RUBCN: variants seen among roughly 807,000 people sequenced by gnomAD.
RUBCN encodes rubicon autophagy regulator, also known as run domain Beclin-1-interacting and cysteine-rich domain-containing protein.
In RUBCN, 74 loss-of-function variants were observed where a neutral mutation model predicts 113.2. The ratio of observed to expected loss-of-function variants is 0.65; its 90% CI spans 0.54 to 0.79. RUBCN has a LOEUF of 0.79. Among genes scored for constraint, RUBCN ranks in the 30% least tolerant of loss-of-function variants. RUBCN has a pLI of 0.00. For synonymous variants in RUBCN, 480 were observed against 490.0 expected (o/e 0.98, Z 0.27); for missense variants, 1,109 against 1,251.7 (o/e 0.89, Z 1.72).
exon 1 of RUBCN, chr3:197,749,429 G>C: frequency 8.1e-7 from 1 of 1,227,796 alleles, no homozygotes; most frequent in Non-Finnish European, 1.0e-6. Flanking sequence ...TTTGCGTTCA[G>C]ATGCGGCAGC....
At position 197,671,110 on chromosome 3, in the gene RUBCN, GTTCAAGTGATTCTCAT is replaced by G. The variant is rs1719748078; in HGVS notation, c.*3892_*3907del. Reference sequence around the variant, plus strand: ...GCTCACTGCAGCCCTCGCCTTCCAGGTTCAAGTGATTCTCATGATTCAGCCTCCCGAGTAGCTGGGA... The same window carrying G: ...GCTCACTGCAGCCCTCGCCTTCCAGGGATTCAGCCTCCCGAGTAGCTGGGA... On this transcript the variant is annotated 3_prime_UTR_variant, in exon 20 of 20. Coordinates refer to ENST00000296343, the MANE Select transcript of RUBCN (RefSeq NM_014687.4). Among the ~76,000 whole-genome samples, 1 of 152,170 alleles carries G rather than the reference GTTCAAGTGATTCTCAT, an allele frequency of 6.6e-6. No individual in the cohort carries two copies. Among genetic ancestry groups the G allele is most frequent in the East Asian group, 1.9e-4 (1 of 5,204 alleles).
At chr3:197,692,861 A>T (rs114648012) in intron 11 of RUBCN, among the ~76,000 whole-genome samples, 1,786 of 152,340 alleles carry the variant, frequency 0.012, 25 homozygotes, top group African/African-American at 0.039. Context: ...TGTAAACAGG[A>T]AATCAAAGCC....
intron 7 of RUBCN, chr3:197,699,368 CG>C: frequency 1.6e-6 from 1 of 626,966 alleles, no homozygotes; most frequent in South Asian, 2.0e-5. Context: ...TTGTGAAGGA[CG>C]GATGGCTTGT....
At chr3:197,704,321 CT>C (rs1024954982) in intron 4 of RUBCN, among the ~76,000 whole-genome samples, 40 of 152,278 alleles carry the variant, frequency 2.6e-4, no homozygotes, top group African/African-American at 9.4e-4. Flanking sequence ...GTAATCCCAG[CT>C]ACTCAGGAGG....
At position 197,675,051 on chromosome 3, in the gene RUBCN, C is replaced by G. The variant is rs1333152083; in HGVS notation, c.2886G>C (p.Leu962=). 1 of 1,613,070 alleles carries G rather than the reference C, an allele frequency of 6.2e-7. No individual in the cohort carries two copies. The highest frequency in any genetic ancestry group is 1.7e-5 in the Admixed American group (1 of 60,032). ...CCTCCAGGACGGCGGCTTCCAGGGCCAGCGCTTCCGCGGGCTCCTCCTCGT... is the reference window on the plus strand; with the variant it reads ...CCTCCAGGACGGCGGCTTCCAGGGCGAGCGCTTCCGCGGGCTCCTCCTCGT... ...SDYEEEPAEA[L]ALEAAVLEAT Residue 962 remains leucine, a synonymous_variant, in exon 20 of 20, where the codon CTG becomes CTC. Coordinates refer to ENST00000296343, the MANE Select transcript of RUBCN (RefSeq NM_014687.4). This position sits in a 1 kb window ranked among gnomAD's most constrained non-coding sequence, Gnocchi z 4.4.
chr3:197,689,084 GGC>G (rs1292362088), intron 11 of RUBCN, among the ~76,000 whole-genome samples: 1 of 150,262 alleles, frequency 6.7e-6, no homozygotes, highest in Admixed American at 6.6e-5. Flanking sequence ...GAAGTGCAGT[GGC>G]ATGATCATGG....
chr3:197,674,260 C>T lies in RUBCN; in HGVS notation c.*758G>A, dbSNP rs185085380. 5.6e-4 allele frequency: 87 copies of T among 156,104 alleles called. No homozygotes were observed. Among genetic ancestry groups the T allele is most frequent in the Non-Finnish European group, 9.9e-4 (68 of 68,854 alleles). The allele number at this position is 156,104 out of a possible 1,614,324, so 9.7% of individuals were successfully genotyped here. On this transcript the variant is annotated 3_prime_UTR_variant, in exon 20 of 20. Coordinates refer to ENST00000296343, the MANE Select transcript of RUBCN (RefSeq NM_014687.4). ...AGAGCTGGCGCCTCACGTATGCTTG[C>T]GGCGTAAGGCTACAGGTGAGCCTGG...
At chr3:197,707,196 G>C (rs1335848969) in intron 2 of RUBCN, among the ~76,000 whole-genome samples, 5 of 152,142 alleles carry the variant, frequency 3.3e-5, no homozygotes, top group African/African-American at 1.2e-4. Flanking sequence ...GCTGGGCGTG[G>C]TGGTGGGCGC....
Position 197,736,711 on chromosome 3 carries a change from C to G in RUBCN, c.9G>C (p.Pro3=). MR[P]EGAGMELGGG... ...CTCCGAGCTCCATTCCCGCGCCCTCCGGCCGCATCCGGGGCGGTGAGGCCG... is the reference window on the plus strand; with the variant it reads ...CTCCGAGCTCCATTCCCGCGCCCTCGGGCCGCATCCGGGGCGGTGAGGCCG... The change falls in exon 1 of 20, where the codon CCG becomes CCC. Residue 3 remains proline, a synonymous_variant. Transcript: ENST00000296343. 1 of 1,530,830 alleles carries G rather than the reference C, an allele frequency of 6.5e-7. No individual in the cohort carries two copies. Among genetic ancestry groups the G allele is most frequent in the Non-Finnish European group, 8.7e-7 (1 of 1,145,450 alleles). 94.8% of individuals were successfully genotyped at this position (1,530,830 alleles called of 1,614,324 possible). A position where few individuals can be genotyped will look rare whatever the true frequency, so the allele number is the denominator to read the frequency against.
chr3:197,680,066 C>G (rs1721023111), intron 16 of RUBCN, among the ~76,000 whole-genome samples: 1 of 150,098 alleles, frequency 6.7e-6, no homozygotes, highest in African/African-American at 2.5e-5. Flanking sequence ...TCAGACTGTC[C>G]TACGCTCTAA....
chr3:197,726,870 T>C (rs9835524), intron 1 of RUBCN, among the ~76,000 whole-genome samples: 1,525 of 151,270 alleles, frequency 0.01, 14 homozygotes, highest in East Asian at 0.053. Context: ...AGAAAGAAAA[T>C]AGACATCATA....
Position 197,725,861 on chromosome 3 carries a change from C to T in RUBCN, c.66-7731G>A, listed in dbSNP as rs1726686939. Among the ~76,000 whole-genome samples the T allele has an allele frequency of 2.6e-5, 4 of 152,132 alleles. No homozygotes were observed. In the South Asian group the frequency reaches 8.3e-4, roughly 32 times the overall value. ...CTTAGCATGGAGGTGAAAAATTCTC[C>T]ATCATTGGCCCCAATCTAAATACCA... On this transcript the variant is annotated intron_variant, in intron 1 of 19. Transcript: ENST00000296343.
Position 197,703,644 on chromosome 3 carries a change from G to C in RUBCN, c.474C>G (p.Phe158Leu). 1 of 1,613,076 alleles carries C rather than the reference G, an allele frequency of 6.2e-7. No homozygotes were observed. Among genetic ancestry groups the C allele is most frequent in the Non-Finnish European group, 8.5e-7 (1 of 1,179,250 alleles). Reference sequence around the variant, plus strand: ...CCGTGACATGAGCGTCACTTAGCAGGAAGGCAGCATCTGGGGAGAGAAAAG... The same window carrying C: ...CCGTGACATGAGCGTCACTTAGCAGCAAGGCAGCATCTGGGGAGAGAAAAG... ...YIRKFYTDAA[F>L]LLSDAHVTAM... The change falls in exon 5 of 20, where the codon TTC (phenylalanine) becomes TTG (leucine). Residue 158 changes from phenylalanine to leucine, a missense_variant. Around this residue, in one of 3 missense-constraint regions of RUBCN, gnomAD observed 736 missense variants for 779.6 expected, o/e 0.94. Transcript: ENST00000296343.
rs1397562661 is a variant in RUBCN at position 197,671,162 on chromosome 3, A to G, written c.*3856T>C. On this transcript the variant is annotated 3_prime_UTR_variant, in exon 20 of 20. Transcript: ENST00000296343. Reference sequence around the variant, plus strand: ...CCCGAGTAGCTGGGATTACAAGCACATGCCACCATGCCTGGCTAATTTTTA... The same window carrying G: ...CCCGAGTAGCTGGGATTACAAGCACGTGCCACCATGCCTGGCTAATTTTTA... Among the ~76,000 whole-genome samples the G allele has an allele frequency of 1.3e-5, 2 of 152,120 alleles. No homozygotes were observed. Among genetic ancestry groups the G allele is most frequent in the African/African-American group, 2.4e-5 (1 of 41,418 alleles).
intron 1 of RUBCN, 117 bp downstream of exon 1, chr3:197,736,538 C>G: frequency 1.1e-6 from 1 of 937,900 alleles, no homozygotes; most frequent in Non-Finnish European, 1.7e-6. Flanking sequence ...CCTCCGCAGC[C>G]GTCGTCCTCA....
rs549057389 is a variant in RUBCN, at chr3:197,671,350, G to A, written c.*3668C>T. ...AGGTGCTTCTAATCATTGTTCCACTGAGGCGCAGGGAGGAAAATAATGTAT... is the reference window on the plus strand; with the variant it reads ...AGGTGCTTCTAATCATTGTTCCACTAAGGCGCAGGGAGGAAAATAATGTAT... On this transcript the variant is annotated 3_prime_UTR_variant, in exon 20 of 20. Coordinates refer to ENST00000296343, the MANE Select transcript of RUBCN (RefSeq NM_014687.4). The A allele has an allele frequency of 6.6e-6, 1 of 152,298 alleles. No homozygotes were observed. The highest frequency in any genetic ancestry group is 1.5e-5 in the Non-Finnish European group (1 of 68,030). 9.4% of individuals were successfully genotyped at this position (152,298 alleles called of 1,614,324 possible). A position where few individuals can be genotyped will look rare whatever the true frequency, so the allele number is the denominator to read the frequency against.
intron 2 of RUBCN, among the ~76,000 whole-genome samples, chr3:197,715,384 C>T (rs1329958412): frequency 2.0e-5 from 3 of 151,404 alleles, no homozygotes; most frequent in East Asian, 3.9e-4. Context: ...CATTCATAAG[C>T]GTCAACAAGG....
At chr3:197,700,184 A>G (rs967053384) in intron 7 of RUBCN, among the ~76,000 whole-genome samples, 1 of 152,188 alleles carries the variant, frequency 6.6e-6, no homozygotes, top group Non-Finnish European at 1.5e-5. Flanking sequence ...CTTCGTTTTA[A>G]TTAGAAACCC....
chr3:197,732,794 GGTCCCAATGTGTTCAA>G (rs1727670079), intron 1 of RUBCN, among the ~76,000 whole-genome samples: 1 of 152,164 alleles, frequency 6.6e-6, no homozygotes, highest in Admixed American at 6.5e-5. Context: ...CAACACTCTA[GGTCCCAATGTGTTCAA>G]CTCGGATGAA....
Sources: allele counts gnomAD v4.1 joint callset (sites outside exome capture counted in the v4.1 genomes callset), GRCh38; gene constraint gnomAD v4.1.1; regional missense constraint gnomAD v4.1.1; non-coding constraint Gnocchi (gnomAD v3.1); transcripts MANE v1.5; gene names NCBI Gene and HGNC (gene_info 2026-07-23, HGNC 2026-07-21).